Variants in GLI2 observed in about 807,000 individuals in gnomAD.
GLI2 encodes the protein GLI family zinc finger 2.
In GLI2, 22 loss-of-function variants were observed where a neutral mutation model predicts 78.9. That is an observed-to-expected ratio of 0.28 (90% CI 0.20 to 0.40). The LOEUF (loss-of-function observed/expected upper bound fraction) is 0.40. Ranked by LOEUF, GLI2 falls within the 10% of genes least tolerant of loss-of-function variation. The probability of loss-of-function intolerance (pLI) is 1.00; values close to 1 mark genes in which losing one functional copy is unlikely to be tolerated. For synonymous variants in GLI2, 974 were observed against 963.7 expected (o/e 1.01, Z -0.20); for missense variants, 2,097 against 2,213.2 (o/e 0.95, Z 1.05).
intron 2 of GLI2, among the ~76,000 whole-genome samples, chr2:120,824,739 A>G (rs1222023928): frequency 6.6e-6 from 1 of 152,222 alleles, no homozygotes; most frequent in African/African-American, 2.4e-5. Flanking sequence ...GGTGTCCCAC[A>G]GCCTGATGTT....
chr2:120,964,565 A>G (rs920576897), intron 5 of GLI2, among the ~76,000 whole-genome samples: 15 of 152,182 alleles, frequency 9.9e-5, no homozygotes, highest in African/African-American at 3.4e-4. Flanking sequence ...AGTGGGCTCC[A>G]TTGTGGTGGA....
chr2:120,967,051 A>G (rs972106687), intron 5 of GLI2, among the ~76,000 whole-genome samples: 2 of 152,220 alleles, frequency 1.3e-5, no homozygotes, highest in Non-Finnish European at 2.9e-5. Flanking sequence ...CTGAGCAGGC[A>G]GAAGGGAGGA....
At position 120,797,435 on chromosome 2, in the gene GLI2, G is replaced by A; in HGVS notation, c.115G>A (p.Ala39Thr). Reference sequence around the variant, plus strand: ...AAAGGCCTCTCCTTTGGTGGTGGCTGCAGCGGCAGCAGCAGCGGTAGCTGC... The same window carrying A: ...AAAGGCCTCTCCTTTGGTGGTGGCTACAGCGGCAGCAGCAGCGGTAGCTGC... ...GKKASPLVVAAAAAAAVAAQG... is the reference protein window; with the variant it reads ...GKKASPLVVATAAAAAVAAQG... The change falls in exon 2 of 14, where the codon GCA becomes ACA. Residue 39 changes from alanine (A) to threonine (T), a missense_variant. By Grantham distance (58) the Ala-to-Thr change is moderately conservative. Transcript: ENST00000361492. 1 of 1,613,938 alleles carries A rather than the reference G, an allele frequency of 6.2e-7. No individual in the cohort carries two copies. The highest frequency in any genetic ancestry group is 8.5e-7 in the Non-Finnish European group (1 of 1,179,846).
chr2:120,956,128 G>A (rs1398682687), intron 5 of GLI2, among the ~76,000 whole-genome samples: 1 of 152,204 alleles, frequency 6.6e-6, no homozygotes, highest in Non-Finnish European at 1.5e-5. Context: ...CAAGACGGAG[G>A]CAGGAGGTCC....
At chr2:120,942,061 G>T (rs1319753868) in intron 3 of GLI2, among the ~76,000 whole-genome samples, 1 of 152,152 alleles carries the variant, frequency 6.6e-6, no homozygotes, top group Non-Finnish European at 1.5e-5. Context: ...ATAAATAGGA[G>T]CCCTGCTAAG....
intron 2 of GLI2, among the ~76,000 whole-genome samples, chr2:120,922,363 G>A (rs575461114): frequency 6.6e-6 from 1 of 152,252 alleles, no homozygotes; most frequent in South Asian, 2.1e-4. Context: ...ATACATCCCT[G>A]TCCATCCTGG....
chr2:120,830,118 A>C (rs1426070770), intron 2 of GLI2, among the ~76,000 whole-genome samples: 5 of 152,016 alleles, frequency 3.3e-5, no homozygotes, highest in Non-Finnish European at 7.4e-5. Flanking sequence ...GGTCTTTCTA[A>C]CCGGCCACAA....
chr2:120,842,625 T>C (rs1415517723), intron 2 of GLI2, among the ~76,000 whole-genome samples: 2 of 152,206 alleles, frequency 1.3e-5, no homozygotes, highest in Non-Finnish European at 2.9e-5. Flanking sequence ...GGCATGCCGA[T>C]GTGAGAACCG....
chr2:120,873,631 G>A (rs1688579505), intron 2 of GLI2, among the ~76,000 whole-genome samples: 1 of 152,144 alleles, frequency 6.6e-6, no homozygotes, highest in Non-Finnish European at 1.5e-5. Context: ...GGCAGTCTTG[G>A]GGATCCCCAG....
intron 5 of GLI2, among the ~76,000 whole-genome samples, chr2:120,959,741 A>G (rs1045819340): frequency 2.0e-5 from 3 of 152,078 alleles, no homozygotes; most frequent in Admixed American, 1.3e-4. Context: ...TGCCTGCTCC[A>G]TGGGTCTGTG....
In GLI2 at chr2:120,957,749, G is replaced by A. The variant is rs376423414; in HGVS notation, c.643+2319G>A. ...TGCACGTGTGTGTACGTGCACACGT[G>A]AGAGACAGTGAATTGGAATGCAGAC... On this transcript the variant is annotated intron_variant, in intron 5 of 13. Coordinates refer to ENST00000361492, the MANE Select transcript of GLI2 (RefSeq NM_001374353.1). Among the ~76,000 whole-genome samples the A allele has an allele frequency of 1.2e-4, 19 of 152,358 alleles. No homozygotes were observed. The South Asian group carries it at 3.9e-3, about 32-fold the overall frequency.
At position 120,988,245 on chromosome 2, in the gene GLI2, CG is replaced by C. The variant is rs2105084620; in HGVS notation, c.2283del (p.Ala763ArgfsTer17). On this transcript the variant is annotated frameshift_variant, in exon 14 of 14. Transcript: ENST00000361492. LOFTEE classifies it low-confidence loss of function (END_TRUNC). Reference protein sequence around the residue: ...LENFSGSGGGGPAGLLPNPRL... With the variant: ...LENFSGSGGGXPAGLLPNPRL... ...AAAACTTCAGTGGCAGTGGGGGCGG[CG>C]GGCCCGCGGGGCTGCTGCCGAACCC... is the stretch of plus-strand genomic sequence containing the variant. The C allele has an allele frequency of 6.3e-7, 1 of 1,575,890 alleles. No individual in the cohort carries two copies. Among genetic ancestry groups the C allele is most frequent in the Admixed American group, 1.8e-5 (1 of 56,614 alleles).
chr2:120,904,151 G>T (rs963541959), intron 2 of GLI2, among the ~76,000 whole-genome samples: 4 of 152,146 alleles, frequency 2.6e-5, no homozygotes, highest in Admixed American at 6.5e-5. Flanking sequence ...GAGTGACTGG[G>T]AGGATGGAGA....
chr2:120,765,618 C>T (rs978225218), intron 1 of GLI2, among the ~76,000 whole-genome samples: 2 of 152,202 alleles, frequency 1.3e-5, no homozygotes, highest in Non-Finnish European at 2.9e-5. Flanking sequence ...GAACCTTTCC[C>T]CTGCCTGCCA....
At chr2:120,881,092 A>G (rs1677090344) in intron 2 of GLI2, among the ~76,000 whole-genome samples, 1 of 152,228 alleles carries the variant, frequency 6.6e-6, no homozygotes, top group African/African-American at 2.4e-5. Context: ...TTAACTAAGC[A>G]AATTTATCTA....
chr2:120,892,283 C>T (rs1033883005), intron 2 of GLI2, among the ~76,000 whole-genome samples: 6 of 152,146 alleles, frequency 3.9e-5, no homozygotes, highest in Non-Finnish European at 7.4e-5. Context: ...GGGCCTGAGC[C>T]GCCTGCTCTG....
At chr2:120,750,938 C>CCT (rs1224213930) in intron 1 of GLI2, among the ~76,000 whole-genome samples, 1 of 152,282 alleles carries the variant, frequency 6.6e-6, no homozygotes, top group Non-Finnish European at 1.5e-5. Context: ...GTACCGCCTG[C>CCT]CTCTACCTTG....
chr2:120,857,115 G>T (rs1444770244), intron 2 of GLI2, among the ~76,000 whole-genome samples: 1 of 152,158 alleles, frequency 6.6e-6, no homozygotes, highest in Non-Finnish European at 1.5e-5. Context: ...AGACGTGCAG[G>T]GCTGTGGATC....
At chr2:120,754,854 CTTT>C (rs61059541) in intron 1 of GLI2, among the ~76,000 whole-genome samples, 3 of 143,012 alleles carry the variant, frequency 2.1e-5, no homozygotes, top group Non-Finnish European at 1.5e-5. Context: ...ACCATTTTTT[CTTT>C]TTTTTTTTTT....
Sources: gnomAD v4.1 joint callset for allele counts (sites outside exome capture counted in the v4.1 genomes callset) on GRCh38, gnomAD v4.1.1 for gene constraint, MANE v1.5 for transcripts, NCBI Gene and HGNC (gene_info 2026-07-23, HGNC 2026-07-21) for gene names.